Variants in NAT1 observed in about 807,000 individuals in gnomAD.
The protein encoded by NAT1 is arylamine N-acetyltransferase 1.
For missense variants in NAT1, 400 were observed against 339.2 expected (o/e 1.18, Z -1.41); for synonymous variants, 144 against 122.6 (o/e 1.17, Z -1.16).
At chr8:18,177,969 C>A (rs1022299301) in intron 2 of NAT1, among the ~76,000 whole-genome samples, 3 of 152,060 alleles carry the variant, frequency 2.0e-5, no homozygotes, top group Admixed American at 6.6e-5. Context: ...CAGTGAGAAA[C>A]AGCTGAGTCA....
At chr8:18,202,172 C>T (rs1001944533) in intron 2 of NAT1, among the ~76,000 whole-genome samples, 1 of 152,198 alleles carries the variant, frequency 6.6e-6, no homozygotes, top group African/African-American at 2.4e-5. Context: ...TCCTGGCAAG[C>T]TTGTCTTGAC....
chr8:18,221,013 C>T (rs1805223537), intron 2 of NAT1, among the ~76,000 whole-genome samples: 1 of 152,004 alleles, frequency 6.6e-6, no homozygotes, highest in South Asian at 2.1e-4. Flanking sequence ...CAATTACAAC[C>T]CTTCTCTCAG....
chr8:18,176,760 T>C (rs966263133), intron 2 of NAT1, among the ~76,000 whole-genome samples: 1 of 152,062 alleles, frequency 6.6e-6, no homozygotes, highest in African/African-American at 2.4e-5. Context: ...AAAAATAACA[T>C]TGAAATTTTA....
chr8:18,185,239 T>G (rs1563165568), intron 2 of NAT1, among the ~76,000 whole-genome samples: 1 of 152,206 alleles, frequency 6.6e-6, no homozygotes. Context: ...AAAAGTTTTG[T>G]AAATATTTAG....
intron 2 of NAT1, among the ~76,000 whole-genome samples, chr8:18,191,444 C>G (rs1178866270): frequency 6.6e-6 from 1 of 152,098 alleles, no homozygotes. Context: ...TTAATGCCAT[C>G]CCCATCAAGC....
intron 2 of NAT1, among the ~76,000 whole-genome samples, chr8:18,184,538 G>A (rs1802655084): frequency 6.6e-6 from 1 of 152,208 alleles, no homozygotes; most frequent in Non-Finnish European, 1.5e-5. Context: ...ATTAATCAGT[G>A]TAATTAGCAA....
At chr8:18,208,162 GC>G (rs775966248), upstream of NAT1, among the ~76,000 whole-genome samples, 47 of 152,210 alleles carry the variant, frequency 3.1e-4, 1 homozygote, top group East Asian at 7.7e-3. Context: ...AGGAAAAATA[GC>G]TAATGCATGA....
In NAT1 at chr8:18,222,443, G is replaced by T. The variant is rs754633858; in HGVS notation, c.396G>T (p.Trp132Cys). The T allele has an allele frequency of 4.3e-6, 7 of 1,613,950 alleles. No individual in the cohort carries two copies. The highest frequency in any genetic ancestry group is 5.9e-6 in the Non-Finnish European group (7 of 1,180,008). ...GGTTTGGACGCTCATACCAGATGTG[G>T]CAGCCTCTGGAGTTAATTTCTGGGA... ...DAGFGRSYQM[W>C]QPLELISGKD... The change falls in exon 3 of 3, where the codon TGG becomes TGT. Residue 132 changes from tryptophan to cysteine, a missense_variant. Trp to Cys is a radical substitution (Grantham distance 215). Transcript: ENST00000307719.
At chr8:18,170,907 T>TTATTTTTTCTC (rs1802074275) in intron 2 of NAT1, among the ~76,000 whole-genome samples, 2 of 152,280 alleles carry the variant, frequency 1.3e-5, no homozygotes, top group African/African-American at 4.8e-5. Flanking sequence ...TTTTTTTTCT[T>TTATTTTTTCTC]TCTTTTTTCT....
intron 1 of NAT1, among the ~76,000 whole-genome samples, chr8:18,216,099 AG>A (rs1804632326): frequency 6.6e-6 from 1 of 152,150 alleles, no homozygotes; most frequent in East Asian, 1.9e-4. Context: ...AAAGGGGCAG[AG>A]GAAAAATGCA....
intron 2 of NAT1, among the ~76,000 whole-genome samples, chr8:18,200,444 T>C (rs1803413558): frequency 6.6e-6 from 1 of 152,004 alleles, no homozygotes; most frequent in Non-Finnish European, 1.5e-5. Flanking sequence ...ACAGAAAACA[T>C]AATACCACAT....
At chr8:18,197,625 G>A (rs1433151111) in intron 2 of NAT1, among the ~76,000 whole-genome samples, 1 of 152,192 alleles carries the variant, frequency 6.6e-6, no homozygotes, top group Non-Finnish European at 1.5e-5. Context: ...TTAGGGTCCT[G>A]ATGAAACTCT....
chr8:18,213,068 C>CT (rs34278443), intron 1 of NAT1, among the ~76,000 whole-genome samples: 17,001 of 142,636 alleles, frequency 0.12, 3,271 homozygotes, highest in African/African-American at 0.4. Flanking sequence ...CCACACCTCG[C>CT]TTTTTTTTTT....
chr8:18,185,176 A>G (rs1305225825), intron 2 of NAT1, among the ~76,000 whole-genome samples: 4 of 152,182 alleles, frequency 2.6e-5, no homozygotes, highest in Non-Finnish European at 5.9e-5. Flanking sequence ...TTAACTTCAT[A>G]AAAGAAGTTA....
At chr8:18,174,691 G>A (rs908343929) in intron 2 of NAT1, among the ~76,000 whole-genome samples, 3 of 152,020 alleles carry the variant, frequency 2.0e-5, no homozygotes, top group African/African-American at 7.2e-5. Context: ...TATTTGTGTA[G>A]CAGTGGTAGC....
At chr8:18,206,710 G>T (rs547712283), upstream of NAT1, among the ~76,000 whole-genome samples, 1 of 152,100 alleles carries the variant, frequency 6.6e-6, no homozygotes, top group Non-Finnish European at 1.5e-5. Context: ...ATAGACGCTG[G>T]ATATTAGACC....
intron 2 of NAT1, among the ~76,000 whole-genome samples, chr8:18,178,879 C>T (rs1802394026): frequency 1.3e-5 from 2 of 152,084 alleles, no homozygotes; most frequent in South Asian, 4.1e-4. Flanking sequence ...AGTCTAATAC[C>T]ACTTACTCCT....
At chr8:18,209,823 G>A (rs376739891), upstream of NAT1, 28 of 152,150 alleles carry the variant, frequency 1.8e-4, no homozygotes, top group African/African-American at 4.6e-4. Flanking sequence ...AAGCTCTCAC[G>A]TTCCACATCA....
chr8:18,219,578 A>C, intron 2 of NAT1, 89 bp downstream of exon 2: 1 of 683,632 alleles, frequency 1.5e-6, no homozygotes, highest in Non-Finnish European at 2.5e-6. Flanking sequence ...GATCAAGATG[A>C]AAGGGAGGGA....
Sources: allele counts gnomAD v4.1 joint callset (sites outside exome capture counted in the v4.1 genomes callset), GRCh38; gene constraint gnomAD v4.1.1; transcripts MANE v1.5; gene names NCBI Gene and HGNC (gene_info 2026-07-23, HGNC 2026-07-21).